The following RIGI variants were observed in gnomAD, a reference collection of about 807,000 sequenced individuals.
RIGI encodes the protein antiviral innate immune response receptor RIG-I.
the RIGI span, among the ~76,000 whole-genome samples, chr9:32,457,577 C>G: frequency 2.0e-5 from 3 of 151,776 alleles, no homozygotes; most frequent in East Asian, 3.9e-4. Flanking sequence ...AAAATAGATT[C>G]ACCCAAAGTC....
At chr9:32,515,180 C>T in the RIGI span, among the ~76,000 whole-genome samples, 85,804 of 151,714 alleles carry the variant, frequency 0.57, 24,729 homozygotes, top group Middle Eastern at 0.68. Flanking sequence ...GGCGTGCGGA[C>T]CACAAGGCCA....
At chr9:32,508,981 C>T in the RIGI span, among the ~76,000 whole-genome samples, 15 of 152,150 alleles carry the variant, frequency 9.9e-5, no homozygotes, top group African/African-American at 3.6e-4. Context: ...AACAAAGCCA[C>T]CAGGAAGTTC....
chr9:32,522,924 C>G, the RIGI span, among the ~76,000 whole-genome samples: 2 of 152,154 alleles, frequency 1.3e-5, no homozygotes, highest in Non-Finnish European at 2.9e-5. Flanking sequence ...TTTGTTTTAT[C>G]TGAGTTCCTT....
At chr9:32,481,633 T>C in the RIGI span, 1 of 634,678 alleles carries the variant, frequency 1.6e-6, no homozygotes, top group South Asian at 2.1e-5. Context: ...ATGCCCAGGC[T>C]GTAGTACAAT....
At chr9:32,480,131 A>T in the RIGI span, 1 of 1,430,298 alleles carries the variant, frequency 7.0e-7, no homozygotes, top group South Asian at 1.5e-5. Context: ...CCCCAAGTTT[A>T]TATATATTAA....
the RIGI span, among the ~76,000 whole-genome samples, chr9:32,472,504 A>T: frequency 6.6e-6 from 1 of 152,232 alleles, no homozygotes; most frequent in African/African-American, 2.4e-5. Flanking sequence ...GTCCCTAATC[A>T]GTTGACTTTA....
chr9:32,489,509 A>C, the RIGI span: 1 of 1,071,304 alleles, frequency 9.3e-7, no homozygotes, highest in Non-Finnish European at 1.4e-6. Context: ...AATCACGGCA[A>C]TAGCTACAGT....
the RIGI span, among the ~76,000 whole-genome samples, chr9:32,473,520 C>T: frequency 6.6e-6 from 1 of 151,914 alleles, no homozygotes; most frequent in South Asian, 2.1e-4. Context: ...TTCCTGACCT[C>T]GTGATCCACC....
At chr9:32,488,076 G>T in the RIGI span, 1 of 1,614,000 alleles carries the variant, frequency 6.2e-7, no homozygotes, top group East Asian at 2.2e-5. Context: ...GATAGTGATG[G>T]AATCGTTCCC....
the RIGI span, chr9:32,457,541 C>A: frequency 1.2e-6 from 1 of 827,548 alleles, no homozygotes; most frequent in South Asian, 2.6e-5. Flanking sequence ...GTGGGTCTCA[C>A]TTATTTTACA....
the RIGI span, among the ~76,000 whole-genome samples, chr9:32,482,583 G>A: frequency 1.3e-5 from 2 of 152,142 alleles, no homozygotes; most frequent in South Asian, 4.2e-4. Context: ...GAGATTGGCC[G>A]GCCGCAGTGG....
the RIGI span, among the ~76,000 whole-genome samples, chr9:32,497,941 C>T: frequency 6.6e-6 from 1 of 152,174 alleles, no homozygotes; most frequent in South Asian, 2.1e-4. Flanking sequence ...TTTTACCTGA[C>T]AGGTTGGTAA....
the RIGI span, among the ~76,000 whole-genome samples, chr9:32,502,273 T>G: frequency 1.3e-5 from 2 of 152,254 alleles, no homozygotes; most frequent in Non-Finnish European, 2.9e-5. Context: ...GCATTTGATT[T>G]GTGTCCACAT....
At chr9:32,461,271 T>G in the RIGI span, among the ~76,000 whole-genome samples, 3 of 152,316 alleles carry the variant, frequency 2.0e-5, no homozygotes, top group African/African-American at 4.8e-5. Context: ...GAATCTGTCA[T>G]CAGCAGATTT....
At chr9:32,518,767 A>G in the RIGI span, among the ~76,000 whole-genome samples, 1 of 152,190 alleles carries the variant, frequency 6.6e-6, no homozygotes, top group Admixed American at 6.5e-5. Flanking sequence ...ATTGCTTCAC[A>G]CTGTATTTGC....
At chr9:32,521,990 T>C in the RIGI span, among the ~76,000 whole-genome samples, 3 of 152,210 alleles carry the variant, frequency 2.0e-5, no homozygotes, top group Non-Finnish European at 4.4e-5. Context: ...GGGGACTTCA[T>C]GAAAAGGAGT....
the RIGI span, chr9:32,480,457 T>C: frequency 2.5e-5 from 30 of 1,210,584 alleles, 2 homozygotes; most frequent in Middle Eastern, 2.7e-4. Context: ...AAGAAAACTT[T>C]TCTTTTCAAA....
chr9:32,461,773 C>T, the RIGI span, among the ~76,000 whole-genome samples: 3,939 of 151,990 alleles, frequency 0.026, 168 homozygotes, highest in African/African-American at 0.089. Flanking sequence ...CTTATCAATA[C>T]GAAACTACTA....
chr9:32,466,447 A>G, the RIGI span: 1 of 1,592,628 alleles, frequency 6.3e-7, no homozygotes, highest in African/African-American at 1.4e-5. Context: ...TCTGCCTATT[A>G]GAAAATAAAT....
Sources: allele counts gnomAD v4.1 joint callset (sites outside exome capture counted in the v4.1 genomes callset), GRCh38; gene constraint gnomAD v4.1.1; transcripts MANE v1.5; gene names NCBI Gene and HGNC (gene_info 2026-07-23, HGNC 2026-07-21).